Variants in ABCA13 observed in about 807,000 individuals in gnomAD.
ABCA13 encodes ATP binding cassette subfamily A member 13.
In ABCA13, 476 loss-of-function variants were observed where a neutral mutation model predicts 478.7. The observed-to-expected ratio is 0.99, with a 90% CI of 0.92 to 1.07. The LOEUF is 1.07. Among genes scored for constraint, ABCA13 ranks in the 50% least tolerant of loss-of-function variants. ABCA13 has a pLI of 0.00. For missense variants in ABCA13, 6,060 were observed against 5,910.6 expected (o/e 1.03, Z -0.83); for synonymous variants, 2,252 against 2,158.9 (o/e 1.04, Z -1.20).
intron 3 of ABCA13, among the ~76,000 whole-genome samples, chr7:48,214,450 A>AG (rs1457486525): frequency 6.6e-6 from 1 of 152,192 alleles, no homozygotes; most frequent in Admixed American, 6.5e-5. Context: ...GAGACTTTGA[A>AG]GGTAGGCATT....
At chr7:48,320,993 G>A (rs146516104) in intron 27 of ABCA13, among the ~76,000 whole-genome samples, 1 of 152,198 alleles carries the variant, frequency 6.6e-6, no homozygotes, top group Non-Finnish European at 1.5e-5. Flanking sequence ...CCCTACAAGT[G>A]TTATTCCCAG....
intron 42 of ABCA13, among the ~76,000 whole-genome samples, chr7:48,432,712 G>A (rs1822307839): frequency 6.6e-6 from 1 of 152,106 alleles, no homozygotes; most frequent in Admixed American, 6.6e-5. Context: ...AGTGAAATAA[G>A]CTAGGAACAG....
intron 42 of ABCA13, among the ~76,000 whole-genome samples, chr7:48,433,041 T>C (rs1472329569): frequency 6.6e-6 from 1 of 152,080 alleles, no homozygotes; most frequent in Non-Finnish European, 1.5e-5. Context: ...GGTATACATA[T>C]TTCAGGACAT....
chr7:48,416,820 GC>G (rs797002463), intron 41 of ABCA13, among the ~76,000 whole-genome samples: 33 of 152,002 alleles, frequency 2.2e-4, no homozygotes, highest in African/African-American at 7.0e-4. Context: ...TCTGATGTCT[GC>G]CCCTTCCCCA....
intron 55 of ABCA13, among the ~76,000 whole-genome samples, chr7:48,571,987 G>C: frequency 6.6e-6 from 1 of 152,240 alleles, no homozygotes; most frequent in African/African-American, 2.4e-5. Flanking sequence ...ACAGCAGCCT[G>C]CCCAACGTGG....
intron 55 of ABCA13, among the ~76,000 whole-genome samples, chr7:48,560,538 G>T (rs1231921481): frequency 2.0e-5 from 3 of 152,154 alleles, no homozygotes; most frequent in African/African-American, 7.2e-5. Context: ...TTTGTGTGTA[G>T]TTAGTTGTTA....
chr7:48,449,476 T>C (rs1463835921), intron 42 of ABCA13, among the ~76,000 whole-genome samples: 4 of 152,202 alleles, frequency 2.6e-5, no homozygotes, highest in African/African-American at 9.7e-5. Context: ...AAGAGTACCC[T>C]ATCTAACAGG....
intron 1 of ABCA13, among the ~76,000 whole-genome samples, chr7:48,178,492 T>A (rs1795188238): frequency 6.6e-6 from 1 of 152,040 alleles, no homozygotes; most frequent in South Asian, 2.1e-4. Context: ...TTGGCCAACA[T>A]GGTGAAACCC....
intron 3 of ABCA13, among the ~76,000 whole-genome samples, chr7:48,211,297 T>G (rs1335011201): frequency 6.6e-6 from 1 of 152,246 alleles, no homozygotes; most frequent in East Asian, 1.9e-4. Context: ...TGTTGTGACC[T>G]AAGCCTGTGG....
intron 34 of ABCA13, among the ~76,000 whole-genome samples, chr7:48,375,324 A>G (rs558647088): frequency 6.6e-6 from 1 of 152,106 alleles, no homozygotes; most frequent in East Asian, 1.9e-4. Context: ...TGGATCCTCT[A>G]CCCATGTTTT....
intron 55 of ABCA13, among the ~76,000 whole-genome samples, chr7:48,571,565 A>G (rs1787651801): frequency 6.6e-6 from 1 of 152,040 alleles, no homozygotes; most frequent in Admixed American, 6.6e-5. Flanking sequence ...CTGTTAAGAA[A>G]GCAGCTATTA....
At chr7:48,514,917 G>C (rs574434195) in intron 51 of ABCA13, among the ~76,000 whole-genome samples, 1 of 151,990 alleles carries the variant, frequency 6.6e-6, no homozygotes, top group African/African-American at 2.4e-5. Context: ...TTTTGAGGCA[G>C]ATTGCTATTG....
intron 44 of ABCA13, among the ~76,000 whole-genome samples, chr7:48,469,621 G>T (rs769758661): frequency 6.6e-6 from 1 of 152,078 alleles, no homozygotes; most frequent in Non-Finnish European, 1.5e-5. Context: ...CTCAAGACAG[G>T]AGGTCCTTAG....
chr7:48,315,093 C>T (rs1213310371), intron 26 of ABCA13, among the ~76,000 whole-genome samples: 3 of 152,176 alleles, frequency 2.0e-5, no homozygotes, highest in African/African-American at 7.2e-5. Flanking sequence ...TTTTATGTGT[C>T]TGCATCATGT....
chr7:48,444,119 C>G (rs1161091356), intron 42 of ABCA13, among the ~76,000 whole-genome samples: 1 of 152,162 alleles, frequency 6.6e-6, no homozygotes, highest in East Asian at 1.9e-4. Flanking sequence ...ATTCATTGCT[C>G]TCTGTTTTCA....
rs1301496488 is a variant in ABCA13, at chr7:48,290,939, GGAAAAAAAAAAA to G, written c.8955+2862_8955+2873del. ...AAGGTTTAGAGAGCTTCACACTCAG[GGAAAAAAAAAAA>G]AAAAAAAAAAAAAAAAAGAGAAAAG... On this transcript the variant is annotated intron_variant, in intron 20 of 61. Transcript: ENST00000435803. Among the ~76,000 whole-genome samples the G allele has an allele frequency of 7.0e-4, 56 of 79,606 alleles. 1 individual carries two copies. The highest frequency in any genetic ancestry group is 4.4e-3 in the Admixed American group (29 of 6,578). The allele number at this position is 79,606 out of a possible 152,430, so 52.2% of individuals were successfully genotyped here.
At position 48,275,062 on chromosome 7, in the gene ABCA13, TG is replaced by T. The variant is rs1219847384; in HGVS notation, c.5398del (p.Asp1800IlefsTer5). On this transcript the variant is annotated frameshift_variant, in exon 17 of 62. Coordinates refer to ENST00000435803, the MANE Select transcript of ABCA13 (RefSeq NM_152701.5). LOFTEE classifies it high-confidence loss of function. ...TTCGCAATTGTGATAAAAATTCTTT[TG>T]GATACAATTGAATTAGTATCAGATA... ...EDFAIVIKIL[L>X]DTIELVSDKP... 6 of 1,613,472 alleles carry T rather than the reference TG, an allele frequency of 3.7e-6. No individual in the cohort carries two copies. The highest frequency in any genetic ancestry group is 3.3e-5 in the Admixed American group (2 of 59,902).
At position 48,432,893 on chromosome 7, in the gene ABCA13, T is replaced by C. The variant is rs549572502; in HGVS notation, c.12565+5022T>C. Among the ~76,000 whole-genome samples, 3 of 152,130 alleles carry C rather than the reference T, an allele frequency of 2.0e-5. No individual in the cohort carries two copies. The East Asian group carries it at 5.8e-4, about 29-fold the overall frequency. On this transcript the variant is annotated intron_variant, in intron 42 of 61. Coordinates refer to ENST00000435803, the MANE Select transcript of ABCA13 (RefSeq NM_152701.5). ...ATAGGAGAAATAAGTTCAAGAGATCTATTGTACAACATGGTGACTGTAGTT... is the reference window on the plus strand; with the variant it reads ...ATAGGAGAAATAAGTTCAAGAGATCCATTGTACAACATGGTGACTGTAGTT...
chr7:48,454,564 A>G (rs1177939785), intron 42 of ABCA13, among the ~76,000 whole-genome samples: 1 of 151,974 alleles, frequency 6.6e-6, no homozygotes, highest in African/African-American at 2.4e-5. Flanking sequence ...CCCTGCGGGG[A>G]AGTGGAAGGC....
Sources: allele counts gnomAD v4.1 joint callset (sites outside exome capture counted in the v4.1 genomes callset), GRCh38; gene constraint gnomAD v4.1.1; transcripts MANE v1.5; gene names NCBI Gene and HGNC (gene_info 2026-07-23, HGNC 2026-07-21).